The following PLCG2 variants were observed in gnomAD, a reference collection of about 807,000 sequenced individuals.
PLCG2 encodes the protein 1-phosphatidylinositol 4,5-bisphosphate phosphodiesterase gamma-2.
A neutral mutation model predicts 175.6 loss-of-function variants in PLCG2; 69 were observed. The ratio of observed to expected loss-of-function variants is 0.39; its 90% CI spans 0.32 to 0.48. The LOEUF is 0.48. PLCG2 is among the 20% of genes least tolerant of loss of function. The pLI is 0.91. For missense variants in PLCG2, 1,798 were observed against 1,650.9 expected, an observed-to-expected ratio of 1.09 and a Z score of -1.54; for synonymous variants, 827 against 624.0, an observed-to-expected ratio of 1.33 and a Z score of -4.85.
intron 8 of PLCG2, among the ~76,000 whole-genome samples, chr16:81,882,073 G>T (rs929374433): frequency 2.0e-5 from 3 of 152,226 alleles, no homozygotes; most frequent in Non-Finnish European, 2.9e-5. Context: ...GTTTAGTAAA[G>T]GGAGAAAGCT....
chr16:81,791,055 A>G (rs1343811074), intron 2 of PLCG2, among the ~76,000 whole-genome samples: 3 of 152,036 alleles, frequency 2.0e-5, no homozygotes, highest in African/African-American at 7.2e-5. Context: ...TTTGGATGGA[A>G]TTTTCTCATT....
intron 1 of PLCG2, among the ~76,000 whole-genome samples, chr16:81,746,734 T>G (rs1909714789): frequency 6.6e-6 from 1 of 152,152 alleles, no homozygotes; most frequent in African/African-American, 2.4e-5. Context: ...GTGGGCATAT[T>G]AATAATTCCC....
At chr16:81,953,214 T>G (rs1911436946) in intron 31 of PLCG2, among the ~76,000 whole-genome samples, 1 of 152,210 alleles carries the variant, frequency 6.6e-6, no homozygotes, top group African/African-American at 2.4e-5. Context: ...AAAGGTTCTG[T>G]GGGATCCCGG....
chr16:81,801,560 G>A (rs1911719719), intron 2 of PLCG2, among the ~76,000 whole-genome samples: 1 of 152,178 alleles, frequency 6.6e-6, no homozygotes, highest in African/African-American at 2.4e-5. Context: ...TTCCAATCAT[G>A]ATACTCCCGA....
At chr16:81,874,766 C>G (rs7200783) in intron 7 of PLCG2, among the ~76,000 whole-genome samples, 72,524 of 151,942 alleles carry the variant, frequency 0.48, 17,969 homozygotes, top group Non-Finnish European at 0.54. Flanking sequence ...CTACGTTCCA[C>G]CTCTCGAGCT....
intron 2 of PLCG2, among the ~76,000 whole-genome samples, chr16:81,769,116 TA>T: frequency 6.6e-6 from 1 of 152,294 alleles, no homozygotes; most frequent in Admixed American, 6.5e-5. Flanking sequence ...AAACAGTGCT[TA>T]AGGTAAGTTT....
At chr16:81,923,627 G>A in intron 22 of PLCG2, 33 bp downstream of exon 22, 3 of 1,344,918 alleles carry the variant, frequency 2.2e-6, no homozygotes, top group South Asian at 1.2e-5. Context: ...CTGCTCGGCA[G>A]GTGGGCTTGA....
rs193003945 is a variant in PLCG2 at position 81,839,303 on chromosome 16, A to G, written c.194-15141A>G. ...ACAAATGTTTGCAGTTTGAGAAATA[A>G]TGTCATATGGCTCCAAACCACCCCC... is the stretch of plus-strand genomic sequence containing the variant. On this transcript the variant is annotated intron_variant, in intron 2 of 32. Transcript: ENST00000564138. 2.6e-5 allele frequency among the ~76,000 whole-genome samples: 4 copies of G among 152,272 alleles called. No individual in the cohort carries two copies. In the East Asian group the frequency reaches 7.7e-4, roughly 29 times the overall value.
At chr16:81,891,428 G>T in intron 10 of PLCG2, 44 bp from the exon 11 acceptor site, 1 of 1,069,510 alleles carries the variant, frequency 9.4e-7, no homozygotes, top group East Asian at 2.4e-5. Flanking sequence ...ACACCATCCT[G>T]CCCGTCAACG....
chr16:81,955,830 C>T (rs1597156563), intron 31 of PLCG2, among the ~76,000 whole-genome samples: 1 of 152,220 alleles, frequency 6.6e-6, no homozygotes, highest in Non-Finnish European at 1.5e-5. Context: ...TTACTGGCTA[C>T]AGGTGAGGCA....
In PLCG2 at chr16:81,890,117, C is replaced by T. The variant is rs145171937; in HGVS notation, c.867+844C>T. Among the ~76,000 whole-genome samples, 354 of 152,152 alleles carry T rather than the reference C, an allele frequency of 2.3e-3. 2 individuals carry two copies. Among genetic ancestry groups the T allele is most frequent in the African/African-American group, 7.8e-3 (325 of 41,496 alleles). On this transcript the variant is annotated intron_variant, in intron 10 of 32. Coordinates refer to ENST00000564138, the MANE Select transcript of PLCG2 (RefSeq NM_002661.5). ...AGAGCCATGCGAACGCCCGAAAAGA[C>T]GTCTCAAAAGGCCAATCTTAGGTTA...
chr16:81,883,144 C>A lies in PLCG2; in HGVS notation c.693-125C>A, dbSNP rs1259318338. 4 of 759,134 alleles carry A rather than the reference C, an allele frequency of 5.3e-6. No homozygotes were observed. The East Asian group carries it at 7.6e-5, about 14-fold the overall frequency. 47.0% of individuals were successfully genotyped at this position (759,134 alleles called of 1,614,324 possible). On this transcript the variant is annotated intron_variant, in intron 8 of 32. Transcript: ENST00000564138. ...TGTCTTCCTGTTGGCCAACCTGGTA[C>A]CTAACACAGTGCCAGACTAAGTGGG...
In PLCG2 at chr16:81,883,252, C is replaced by A. The variant is rs768702007; in HGVS notation, c.693-17C>A. The A allele has an allele frequency of 6.2e-7, 1 of 1,612,734 alleles. No homozygotes were observed. The highest frequency in any genetic ancestry group is 8.5e-7 in the Non-Finnish European group (1 of 1,178,722). ...AATGTGTCTGTCTCTAACTGCACCC[C>A]CTTTCCCCGAGGATAGGAACACTGA... On this transcript the variant is annotated splice_polypyrimidine_tract_variant and intron_variant, in intron 8 of 32. Transcript: ENST00000564138.
intron 2 of PLCG2, among the ~76,000 whole-genome samples, chr16:81,821,802 A>G (rs1413114378): frequency 1.3e-5 from 2 of 152,136 alleles, no homozygotes; most frequent in East Asian, 1.9e-4. Flanking sequence ...TACCCAAAAG[A>G]AAAGGTTTTA....
intron 23 of PLCG2, among the ~76,000 whole-genome samples, chr16:81,927,424 G>A (rs978758501): frequency 6.6e-6 from 1 of 152,208 alleles, no homozygotes; most frequent in African/African-American, 2.4e-5. Flanking sequence ...TCATTATGCA[G>A]GAGAATTCCC....
chr16:81,920,999 T>C (rs1195803310), intron 20 of PLCG2, among the ~76,000 whole-genome samples, 199 bp from the exon 21 acceptor site: 1 of 152,140 alleles, frequency 6.6e-6, no homozygotes, highest in African/African-American at 2.4e-5. Flanking sequence ...CTCTCTGATT[T>C]TGGGTTAGTT....
chr16:81,917,697 C>G (rs58370747), intron 19 of PLCG2, among the ~76,000 whole-genome samples: 3,071 of 152,250 alleles, frequency 0.02, 104 homozygotes, highest in African/African-American at 0.071. Flanking sequence ...TGAGAAATGT[C>G]TATTCAGATC....
chr16:81,917,302 G>T (rs1204482375), intron 19 of PLCG2, among the ~76,000 whole-genome samples: 1 of 143,374 alleles, frequency 7.0e-6, no homozygotes, highest in Non-Finnish European at 1.5e-5. Flanking sequence ...CCATTTATCT[G>T]TTGATGGGCA....
chr16:81,888,389 A>G (rs200449944), intron 9 of PLCG2, among the ~76,000 whole-genome samples: 50,024 of 151,678 alleles, frequency 0.33, 9,515 homozygotes, highest in East Asian at 0.6. Context: ...TTAAAGAAAA[A>G]AAAAATGTTT....
Sources: gnomAD v4.1 joint callset for allele counts (sites outside exome capture counted in the v4.1 genomes callset) on GRCh38, gnomAD v4.1.1 for gene constraint, MANE v1.5 for transcripts, NCBI Gene and HGNC (gene_info 2026-07-23, HGNC 2026-07-21) for gene names.